Variants in PKD1L1 observed in about 807,000 individuals in gnomAD.
The protein encoded by PKD1L1 is polycystin-1-like protein 1.
Under a neutral mutation model 323.4 loss-of-function variants are expected in PKD1L1, and 236 were observed. That is an observed-to-expected ratio of 0.73 (90% CI 0.66 to 0.81). The LOEUF is 0.81. Ranked by LOEUF, PKD1L1 falls within the 40% of genes least tolerant of loss-of-function variation. PKD1L1 has a pLI of 0.00. For missense variants in PKD1L1, 3,320 were observed against 3,508.0 expected, an observed-to-expected ratio of 0.95 and a Z score of 1.35; for synonymous variants, 1,344 against 1,335.0, an observed-to-expected ratio of 1.01 and a Z score of -0.15.
intron 30 of PKD1L1, 31 bp from the exon 31 acceptor site, chr7:47,853,258 C>A (rs1583621110): frequency 1.4e-6 from 2 of 1,442,816 alleles, no homozygotes; most frequent in African/African-American, 1.4e-5. Flanking sequence ...AGGGATTTCT[C>A]ATTTTTTTCT....
In PKD1L1 at chr7:47,929,391, G is replaced by T. The variant is rs758324771; in HGVS notation, c.873C>A (p.Asn291Lys). 6.2e-7 allele frequency: 1 copy of T among 1,614,216 alleles called. No homozygotes were observed. Among genetic ancestry groups the T allele is most frequent in the East Asian group, 2.2e-5 (1 of 44,888 alleles). ...ILARNSDNFM[N>K]PVLNCSLEVE... ...CTTCCAGGGAGCAATTAAGAACAGG[G>T]TTCATGAAGTTATCAGAATTTCGAG... Residue 291 changes from asparagine to lysine, a missense_variant, in exon 7 of 57, where the codon AAC becomes AAA. Transcript: ENST00000289672.
intron 24 of PKD1L1, among the ~76,000 whole-genome samples, chr7:47,870,014 G>A (rs1786246846): frequency 6.6e-6 from 1 of 152,052 alleles, no homozygotes; most frequent in African/African-American, 2.4e-5. Context: ...AGAAGAAATT[G>A]CAACAAGAAT....
intron 46 of PKD1L1, among the ~76,000 whole-genome samples, chr7:47,820,536 C>T (rs562814996): frequency 7.9e-5 from 12 of 152,216 alleles, no homozygotes; most frequent in South Asian, 2.1e-4. Flanking sequence ...ACCAGCCTGA[C>T]GAACATGGTG....
chr7:47,837,294 T>C (rs2128736998), intron 36 of PKD1L1, among the ~76,000 whole-genome samples, 200 bp from the exon 37 acceptor site: 1 of 152,334 alleles, frequency 6.6e-6, no homozygotes, highest in African/African-American at 2.4e-5. Flanking sequence ...TCTGCTATCC[T>C]GGCTGGTTAG....
chr7:47,851,286 A>C (rs1785777766), intron 31 of PKD1L1, among the ~76,000 whole-genome samples: 1 of 152,218 alleles, frequency 6.6e-6, no homozygotes, highest in African/African-American at 2.4e-5. Flanking sequence ...GTAAAGAAGC[A>C]CTTGAGGATT....
chr7:47,817,522 A>G (rs1040859833), intron 46 of PKD1L1, among the ~76,000 whole-genome samples: 2 of 152,218 alleles, frequency 1.3e-5, no homozygotes, highest in Non-Finnish European at 2.9e-5. Context: ...TAGAGTAATA[A>G]AGAGATGCAG....
intron 1 of PKD1L1, among the ~76,000 whole-genome samples, chr7:47,948,119 T>C (rs976277442): frequency 1.3e-5 from 2 of 152,186 alleles, no homozygotes; most frequent in Admixed American, 6.5e-5. Context: ...ACTTGGAAGG[T>C]ATCCTGCATT....
chr7:47,871,516 A>C (rs1786279602), intron 24 of PKD1L1, among the ~76,000 whole-genome samples: 1 of 152,166 alleles, frequency 6.6e-6, no homozygotes, highest in African/African-American at 2.4e-5. Context: ...TAAGGTGACT[A>C]ATTTCATTTA....
In PKD1L1 at chr7:47,784,954, C is replaced by G. The variant is rs574676936; in HGVS notation, c.8526+7673G>C. On this transcript the variant is annotated intron_variant, in intron 56 of 56. Coordinates refer to ENST00000289672, the MANE Select transcript of PKD1L1 (RefSeq NM_138295.5). ...ATACATCACCCACCACTTCTTTTTG[C>G]TCAATAACCAGTTCACTAAATATTT... Among the ~76,000 whole-genome samples the G allele has an allele frequency of 4.0e-3, 606 of 152,132 alleles. 3 individuals are homozygous for G. The highest frequency in any genetic ancestry group is 7.3e-3 in the Non-Finnish European group (497 of 67,996).
chr7:47,860,368 A>G (rs1217184179), intron 26 of PKD1L1, among the ~76,000 whole-genome samples: 1 of 152,244 alleles, frequency 6.6e-6, no homozygotes, highest in Admixed American at 6.5e-5. Context: ...CAATGCTTAA[A>G]AGACACAGAC....
chr7:47,959,799 C>T, the PKD1L1 span, among the ~76,000 whole-genome samples: 1 of 149,778 alleles, frequency 6.7e-6, no homozygotes, highest in Non-Finnish European at 1.5e-5. Flanking sequence ...GTGAGGGGCG[C>T]CTCTGCCCGG....
intron 41 of PKD1L1, among the ~76,000 whole-genome samples, chr7:47,832,495 C>A (rs911598844): frequency 2.0e-5 from 3 of 152,228 alleles, no homozygotes; most frequent in South Asian, 2.1e-4. Context: ...ACAGGCCTTG[C>A]CAGTCACTGT....
chr7:47,786,046 T>C (rs1399688431), intron 56 of PKD1L1, among the ~76,000 whole-genome samples: 1 of 152,152 alleles, frequency 6.6e-6, no homozygotes, highest in Non-Finnish European at 1.5e-5. Context: ...CTGGCCAATA[T>C]TTCATTTTAA....
chr7:47,940,382 A>G (rs1050492768), intron 2 of PKD1L1, 65 bp from the exon 3 acceptor site: 11 of 1,547,604 alleles, frequency 7.1e-6, no homozygotes, highest in Non-Finnish European at 9.6e-6. Flanking sequence ...GAGAACATAA[A>G]GCTGGAGAAG....
intron 13 of PKD1L1, among the ~76,000 whole-genome samples, chr7:47,901,464 A>G (rs918122400): frequency 2.6e-5 from 4 of 152,200 alleles, no homozygotes; most frequent in Admixed American, 2.6e-4. Flanking sequence ...CCATGTCCTA[A>G]CAGCAGAGTC....
the PKD1L1 span, among the ~76,000 whole-genome samples, chr7:47,953,518 T>C: frequency 6.6e-6 from 1 of 152,236 alleles, no homozygotes; most frequent in East Asian, 1.9e-4. Flanking sequence ...CCCTCTCAGC[T>C]TCCCCATGGA....
At chr7:47,865,131 TG>T in intron 26 of PKD1L1, 84 bp downstream of exon 26, 2 of 948,550 alleles carry the variant, frequency 2.1e-6, no homozygotes, top group Non-Finnish European at 3.3e-6. Flanking sequence ...ACTATGATTC[TG>T]GACAGTGTAT....
chr7:47,899,970 T>G (rs918914423), intron 13 of PKD1L1, among the ~76,000 whole-genome samples: 3 of 94,172 alleles, frequency 3.2e-5, no homozygotes, highest in Admixed American at 1.1e-4. Flanking sequence ...AAAAAAAAAA[T>G]CGGAAAGGGA....
At chr7:47,861,083 C>G (rs539211215) in intron 26 of PKD1L1, among the ~76,000 whole-genome samples, 17 of 152,300 alleles carry the variant, frequency 1.1e-4, no homozygotes, top group African/African-American at 3.9e-4. Flanking sequence ...GGGCCAGAGT[C>G]CCTGAGTCAC....
Sources: gnomAD v4.1 joint callset for allele counts (sites outside exome capture counted in the v4.1 genomes callset) on GRCh38, gnomAD v4.1.1 for gene constraint, MANE v1.5 for transcripts, NCBI Gene and HGNC (gene_info 2026-07-23, HGNC 2026-07-21) for gene names.